RBFOX2: variants seen among roughly 807,000 people sequenced by gnomAD.
RBFOX2 encodes RNA binding protein fox-1 homolog 2.
In RBFOX2, 10 loss-of-function variants were observed where a neutral mutation model predicts 49.1. That is an observed-to-expected ratio of 0.20 (90% CI 0.13 to 0.35). The LOEUF (loss-of-function observed/expected upper bound fraction) is 0.35, where lower values mean the gene tolerates loss of function less well. Ranked by LOEUF, RBFOX2 falls within the 10% of genes least tolerant of loss-of-function variation. The pLI, the probability that RBFOX2 is intolerant of heterozygous loss-of-function variation, is 1.00. For missense variants in RBFOX2, 323 were observed against 486.9 expected, an observed-to-expected ratio of 0.66 and a Z score of 3.17; for synonymous variants, 183 against 187.4, an observed-to-expected ratio of 0.98 and a Z score of 0.19.
chr22:35,799,480 A>G (rs182594675), intron 2 of RBFOX2, among the ~76,000 whole-genome samples: 1 of 152,288 alleles, frequency 6.6e-6, no homozygotes, highest in East Asian at 1.9e-4. Context: ...AAAAATAAAA[A>G]TTTCAGATTT....
At chr22:35,780,817 G>A (rs1944990863) in intron 3 of RBFOX2, among the ~76,000 whole-genome samples, 1 of 152,090 alleles carries the variant, frequency 6.6e-6, no homozygotes, top group Admixed American at 6.5e-5. Flanking sequence ...CAGGCTCTTT[G>A]ACTCCAAAAT....
chr22:36,020,109 T>C (rs1041298931), intron 1 of RBFOX2, among the ~76,000 whole-genome samples: 1 of 152,206 alleles, frequency 6.6e-6, no homozygotes, highest in Admixed American at 6.5e-5. Context: ...TACAACCACC[T>C]GATCTTTGAC....
At chr22:35,793,627 C>A (rs1180282466) in intron 2 of RBFOX2, among the ~76,000 whole-genome samples, 2 of 152,092 alleles carry the variant, frequency 1.3e-5, no homozygotes, top group Non-Finnish European at 2.9e-5. Flanking sequence ...AATATCACCA[C>A]CAAAACAATT....
Position 35,806,596 on chromosome 22 carries a change from C to T in RBFOX2, c.252+3184G>A, listed in dbSNP as rs1950784543. The stretch of plus-strand genomic sequence containing the variant: ...AAAAATAACTAAAGAAAAAATATCA[C>T]AAATGGATGTAAAAGGTACAAAAAT... On this transcript the variant is annotated intron_variant, in intron 2 of 11. Transcript: ENST00000405409. Among the ~76,000 whole-genome samples, 4 of 151,912 alleles carry T rather than the reference C, an allele frequency of 2.6e-5. No individual in the cohort carries two copies. In the South Asian group the frequency reaches 8.3e-4, roughly 31 times the overall value.
At position 35,806,961 on chromosome 22, in the gene RBFOX2, G is replaced by A. The variant is rs879433323; in HGVS notation, c.252+2819C>T. On this transcript the variant is annotated intron_variant, in intron 2 of 11. Transcript: ENST00000405409. ...TGGGATTACAGGCGCACACCACCAC[G>A]CCCGGCTAATTTTTGTATTTTTAGT... Among the ~76,000 whole-genome samples the A allele has an allele frequency of 3.9e-5, 6 of 152,028 alleles. No individual in the cohort carries two copies. The South Asian group carries it at 6.2e-4, about 16-fold the overall frequency.
intron 1 of RBFOX2, among the ~76,000 whole-genome samples, chr22:36,023,268 G>C (rs1177464115): frequency 1.3e-5 from 2 of 152,126 alleles, no homozygotes; most frequent in Non-Finnish European, 2.9e-5. Flanking sequence ...CCCCTTCCCT[G>C]AAACCTGAAA....
At chr22:35,951,978 G>C (rs1247225527) in intron 1 of RBFOX2, among the ~76,000 whole-genome samples, 1 of 152,302 alleles carries the variant, frequency 6.6e-6, no homozygotes, top group South Asian at 2.1e-4. Context: ...GATTTCACAA[G>C]GGTTCTATCC....
intron 11 of RBFOX2, among the ~76,000 whole-genome samples, chr22:35,745,370 C>T (rs945566599): frequency 2.0e-5 from 3 of 151,986 alleles, no homozygotes; most frequent in Admixed American, 6.6e-5. Context: ...TGGACTTCTT[C>T]GATACTTCTA....
intron 1 of RBFOX2, among the ~76,000 whole-genome samples, chr22:35,991,680 A>G (rs1335284169): frequency 6.6e-6 from 1 of 152,204 alleles, no homozygotes; most frequent in Non-Finnish European, 1.5e-5. Flanking sequence ...TCTGCAAGGA[A>G]GAAACCACGG....
intron 4 of RBFOX2, among the ~76,000 whole-genome samples, chr22:35,773,167 C>T (rs1454657720): frequency 2.6e-5 from 4 of 151,742 alleles, no homozygotes; most frequent in African/African-American, 9.7e-5. Context: ...AGTCAAAAGG[C>T]CTACTTACTG....
intron 1 of RBFOX2, among the ~76,000 whole-genome samples, chr22:35,815,838 T>C (rs1285036307): frequency 6.6e-6 from 1 of 152,222 alleles, no homozygotes; most frequent in Non-Finnish European, 1.5e-5. Flanking sequence ...TTACAAATTA[T>C]ATCATTTTGA....
intron 1 of RBFOX2, among the ~76,000 whole-genome samples, chr22:35,833,410 C>A (rs1223197156): frequency 2.0e-5 from 3 of 152,144 alleles, no homozygotes; most frequent in African/African-American, 7.2e-5. Flanking sequence ...AACTTTTCTA[C>A]TTATCATGGC....
intron 1 of RBFOX2, among the ~76,000 whole-genome samples, chr22:35,848,004 A>G (rs1470991722): frequency 6.6e-6 from 1 of 152,198 alleles, no homozygotes; most frequent in Non-Finnish European, 1.5e-5. Context: ...TCCTCAAAAA[A>G]TTCAATTACA....
chr22:36,026,378 T>C (rs930398519), intron 1 of RBFOX2, among the ~76,000 whole-genome samples: 4 of 151,990 alleles, frequency 2.6e-5, no homozygotes, highest in Admixed American at 2.0e-4. Context: ...CTCTTTCCTC[T>C]GCACACCCCT....
At chr22:35,937,942 C>T (rs2053282530) in intron 1 of RBFOX2, among the ~76,000 whole-genome samples, 1 of 152,174 alleles carries the variant, frequency 6.6e-6, no homozygotes, top group Admixed American at 6.5e-5. Flanking sequence ...ATTCAATGAA[C>T]TTCTGGAAAG....
chr22:35,996,314 T>TAA (rs565462802), intron 1 of RBFOX2: 1 of 151,838 alleles, frequency 6.6e-6, no homozygotes, highest in African/African-American at 2.4e-5. Flanking sequence ...AGAATTATCT[T>TAA]AAAAAAAATA....
upstream of RBFOX2, among the ~76,000 whole-genome samples, chr22:35,965,782 T>C (rs1828369862): frequency 6.6e-6 from 1 of 151,994 alleles, no homozygotes; most frequent in Admixed American, 6.6e-5. Context: ...ACTCACATCC[T>C]ACAAGCTCGA....
chr22:36,014,899 G>A (rs1432213972), intron 1 of RBFOX2, among the ~76,000 whole-genome samples: 1 of 152,172 alleles, frequency 6.6e-6, no homozygotes, highest in East Asian at 1.9e-4. Context: ...ACGTATGAAG[G>A]TAGGAAATGC....
At chr22:35,903,889 G>A (rs2048848184) in intron 1 of RBFOX2, among the ~76,000 whole-genome samples, 1 of 152,078 alleles carries the variant, frequency 6.6e-6, no homozygotes, top group African/African-American at 2.4e-5. Flanking sequence ...GAGAAACTCT[G>A]TAAAACAAAC....
Sources: allele counts gnomAD v4.1 joint callset (sites outside exome capture counted in the v4.1 genomes callset), GRCh38; gene constraint gnomAD v4.1.1; transcripts MANE v1.5; gene names NCBI Gene and HGNC (gene_info 2026-07-23, HGNC 2026-07-21).